The following FBLN5 variants were observed in gnomAD, a reference collection of about 807,000 sequenced individuals.
FBLN5 encodes fibulin-5.
In FBLN5, 24 loss-of-function variants were observed where a neutral mutation model predicts 61.6. That is an observed-to-expected ratio of 0.39 (90% CI 0.28 to 0.55). The LOEUF (loss-of-function observed/expected upper bound fraction) is 0.55, where lower values mean the gene tolerates loss of function less well. Ranked by LOEUF, FBLN5 falls within the 20% of genes least tolerant of loss-of-function variation. The pLI, the probability that FBLN5 is intolerant of heterozygous loss-of-function variation, is 0.65. For synonymous variants in FBLN5, 213 were observed against 219.8 expected (o/e 0.97, Z 0.27); for missense variants, 470 against 594.1 (o/e 0.79, Z 2.17).
chr14:91,941,193 C>T (rs991852108), intron 2 of FBLN5, among the ~76,000 whole-genome samples: 1 of 152,128 alleles, frequency 6.6e-6, no homozygotes. Flanking sequence ...CCCATGAAAT[C>T]CTCTACCTGA....
At chr14:91,917,244 C>T (rs1312194978) in intron 4 of FBLN5, among the ~76,000 whole-genome samples, 1 of 152,190 alleles carries the variant, frequency 6.6e-6, no homozygotes, top group Admixed American at 6.5e-5. Flanking sequence ...TGCCCTCAGG[C>T]ATGTCTGAAG....
At chr14:91,875,304 T>C (rs894466159) in intron 10 of FBLN5, among the ~76,000 whole-genome samples, 1 of 152,008 alleles carries the variant, frequency 6.6e-6, no homozygotes, top group Non-Finnish European at 1.5e-5. Context: ...CCCCACACCA[T>C]AGAGAGGAAC....
chr14:91,883,182 G>A (rs1595298521), intron 7 of FBLN5, 106 bp from the exon 8 acceptor site: 2 of 1,301,928 alleles, frequency 1.5e-6, no homozygotes, highest in East Asian at 4.7e-5. Flanking sequence ...ACATACAATG[G>A]CTTTACTGCC....
chr14:91,897,330 C>T (rs1157679589), intron 4 of FBLN5, among the ~76,000 whole-genome samples: 1 of 152,180 alleles, frequency 6.6e-6, no homozygotes, highest in Non-Finnish European at 1.5e-5. Flanking sequence ...GCTGCTCCTG[C>T]TCAAATCCAC....
chr14:91,877,629 A>G lies in FBLN5; in HGVS notation c.1043T>C (p.Ile348Thr). 1 of 1,614,114 alleles carries G rather than the reference A, an allele frequency of 6.2e-7. No homozygotes were observed. Among genetic ancestry groups the G allele is most frequent in the South Asian group, 1.1e-5 (1 of 91,074 alleles). The change falls in exon 10 of 11, where the codon ATC (isoleucine) becomes ACC (threonine). Residue 348 changes from isoleucine (I) to threonine (T), a missense_variant. By Grantham distance (89) the Ile-to-Thr change is moderately conservative. Transcript: ENST00000342058. Reference sequence around the variant, plus strand: ...CACCACGTCCATGTCCCGGTACAAGATGGTAAAGGGCTGGTCTCTGCAGCC... The same window carrying G: ...CACCACGTCCATGTCCCGGTACAAGGTGGTAAAGGGCTGGTCTCTGCAGCC... ...NPGCRDQPFT[I>T]LYRDMDVVSG...
chr14:91,891,352 G>A lies in FBLN5; in HGVS notation c.503-15C>T, dbSNP rs913136472. 4 of 1,540,444 alleles carry A rather than the reference G, an allele frequency of 2.6e-6. No homozygotes were observed. The highest frequency in any genetic ancestry group is 1.7e-5 in the Admixed American group (1 of 59,932). On this transcript the variant is annotated splice_polypyrimidine_tract_variant and intron_variant, in intron 5 of 10. Coordinates refer to ENST00000342058, the MANE Select transcript of FBLN5 (RefSeq NM_006329.4). ...TTCATCAATGTCTGGAAACAGAAAT[G>A]CAAGCAAAGTGAGACAGGTCTCCTC...
chr14:91,883,193 A>AAGAAGCTGTCAATTCACT lies in FBLN5; in HGVS notation c.740-135_740-118dup, dbSNP rs1889558961. ...TGATACATACAATGGCTTTACTGCC[A>AAGAAGCTGTCAATTCACT]AGAAGCTGTCAATTCACTTCTCCAG... is the stretch of plus-strand genomic sequence containing the variant. On this transcript the variant is annotated intron_variant, in intron 7 of 10. Coordinates refer to ENST00000342058, the MANE Select transcript of FBLN5 (RefSeq NM_006329.4). 4.2e-6 allele frequency: 5 copies of AAGAAGCTGTCAATTCACT among 1,179,428 alleles called. No individual in the cohort carries two copies. In the Admixed American group the frequency reaches 8.8e-5, roughly 21 times the overall value. 73.1% of individuals were successfully genotyped at this position (1,179,428 alleles called of 1,614,324 possible).
intron 1 of FBLN5, chr14:91,946,916 A>G: frequency 6.9e-7 from 1 of 1,459,304 alleles, no homozygotes; most frequent in Non-Finnish European, 9.0e-7. Flanking sequence ...TAAAACGACA[A>G]AGTTGCTGCC....
At chr14:91,925,651 C>T (rs2055815620) in intron 4 of FBLN5, among the ~76,000 whole-genome samples, 1 of 152,238 alleles carries the variant, frequency 6.6e-6, no homozygotes, top group Non-Finnish European at 1.5e-5. Flanking sequence ...AGGGCACAGC[C>T]TCCCACAGCG....
chr14:91,919,815 C>G (rs749649674), intron 4 of FBLN5, among the ~76,000 whole-genome samples: 1 of 152,234 alleles, frequency 6.6e-6, no homozygotes, highest in Non-Finnish European at 1.5e-5. Flanking sequence ...ACATTGTGAT[C>G]CCAGACTTCT....
chr14:91,895,041 C>T lies in FBLN5; in HGVS notation c.411G>A (p.Gln137=). 2 of 1,614,152 alleles carry T rather than the reference C, an allele frequency of 1.2e-6. No homozygotes were observed. Among genetic ancestry groups the T allele is most frequent in the African/African-American group, 1.3e-5 (1 of 75,034 alleles). Residue 137 remains glutamine, a synonymous_variant, in exon 5 of 11, where the codon CAG becomes CAA. Coordinates refer to ENST00000342058, the MANE Select transcript of FBLN5 (RefSeq NM_006329.4). Reference sequence around the variant, plus strand: ...TGATGCAGATCTGGGTGGGGTTGCACTGGTGGGAATCTGTTGCACACTCGT... The same window carrying T: ...TGATGCAGATCTGGGTGGGGTTGCATTGGTGGGAATCTGTTGCACACTCGT... ...DVDECATDSH[Q]CNPTQICINT...
At chr14:91,871,718 A>T (rs958005193) in intron 10 of FBLN5, among the ~76,000 whole-genome samples, 27 of 152,132 alleles carry the variant, frequency 1.8e-4, no homozygotes, top group African/African-American at 6.0e-4. Flanking sequence ...TTAGCAGGGC[A>T]TGTTGGCAGG....
rs1566819989 is a variant in FBLN5, at chr14:91,919,390, A to AAGGAAGGAAGGAAGG, written c.379+17556_379+17557insCCTTCCTTCCTTCCT. 2.2e-3 allele frequency among the ~76,000 whole-genome samples: 217 copies of AAGGAAGGAAGGAAGG among 99,572 alleles called. 1 individual carries two copies. Among genetic ancestry groups the AAGGAAGGAAGGAAGG allele is most frequent in the Middle Eastern group, 4.8e-3 (1 of 208 alleles). The allele number at this position is 99,572 out of a possible 152,430, so 65.3% of individuals were successfully genotyped here. On this transcript the variant is annotated intron_variant, in intron 4 of 10. Coordinates refer to ENST00000342058, the MANE Select transcript of FBLN5 (RefSeq NM_006329.4). ...AGAAAAGAAAAGAAAAGAAAGAAAG[A>AAGGAAGGAAGGAAGG]AAGGAAGGAAGGAAGGAAGGAAGGA...
intron 1 of FBLN5, chr14:91,946,570 G>T (rs569150854): frequency 1.0e-5 from 7 of 695,264 alleles, no homozygotes; most frequent in African/African-American, 5.3e-5. Flanking sequence ...CGCACACAAG[G>T]TTAATTTGTT....
In FBLN5 at chr14:91,935,751, G is replaced by A. The variant is rs146135475; in HGVS notation, c.379+1196C>T. ...ACAAAGGTCTTTCCTCCTGATGCTGGTTATAAGGAAGCATGTTACCATCTT... is the reference window on the plus strand; with the variant it reads ...ACAAAGGTCTTTCCTCCTGATGCTGATTATAAGGAAGCATGTTACCATCTT... On this transcript the variant is annotated intron_variant, in intron 4 of 10. Coordinates refer to ENST00000342058, the MANE Select transcript of FBLN5 (RefSeq NM_006329.4). Among the ~76,000 whole-genome samples the A allele has an allele frequency of 4.4e-3, 674 of 152,286 alleles. 5 individuals are homozygous for A. Among genetic ancestry groups the A allele is most frequent in the African/African-American group, 0.015 (635 of 41,560 alleles).
chr14:91,886,197 G>A (rs1444687646), intron 7 of FBLN5, among the ~76,000 whole-genome samples: 1 of 152,234 alleles, frequency 6.6e-6, no homozygotes, highest in Non-Finnish European at 1.5e-5. Context: ...TATTTTGAAA[G>A]CACAGTGAAG....
intron 5 of FBLN5, 91 bp from the exon 6 acceptor site, chr14:91,891,428 C>A: frequency 1.2e-6 from 1 of 866,774 alleles, no homozygotes; most frequent in Non-Finnish European, 2.0e-6. Flanking sequence ...TCTTCCCAAA[C>A]AGGATCATGA....
chr14:91,883,970 C>T (rs1889607531), intron 7 of FBLN5, among the ~76,000 whole-genome samples: 3 of 152,334 alleles, frequency 2.0e-5, no homozygotes, highest in Admixed American at 1.3e-4. Context: ...GAGCCTCATT[C>T]GATAAGCATG....
chr14:91,914,813 G>GTT (rs201624750), intron 4 of FBLN5, among the ~76,000 whole-genome samples: 1 of 145,072 alleles, frequency 6.9e-6, no homozygotes, highest in South Asian at 2.2e-4. Context: ...TATCTGTGTG[G>GTT]TTTTTTTTTT....
Sources: gnomAD v4.1 joint callset for allele counts (sites outside exome capture counted in the v4.1 genomes callset) on GRCh38, gnomAD v4.1.1 for gene constraint, MANE v1.5 for transcripts, NCBI Gene and HGNC (gene_info 2026-07-23, HGNC 2026-07-21) for gene names.